Variants in ATR observed in about 807,000 individuals in gnomAD.
ATR encodes the protein ATR checkpoint kinase.
Under a neutral mutation model 305.3 loss-of-function variants are expected in ATR, and 142 were observed. That is an observed-to-expected ratio of 0.47 (90% CI 0.41 to 0.53). The LOEUF (loss-of-function observed/expected upper bound fraction) is 0.53, where lower values mean the gene tolerates loss of function less well. Among genes scored for constraint, ATR ranks in the 20% least tolerant of loss-of-function variants. The pLI is 0.00. For synonymous variants in ATR, 1,050 were observed against 1,068.1 expected (o/e 0.98, Z 0.33); for missense variants, 2,135 against 3,133.1 (o/e 0.68, Z 7.60).
intron 15 of ATR, 74 bp from the exon 16 acceptor site, chr3:142,547,984 C>T (rs2108452315): frequency 7.6e-7 from 1 of 1,317,038 alleles, no homozygotes; most frequent in Non-Finnish European, 1.1e-6. Flanking sequence ...CTGATTTTAA[C>T]ATGCTATTAG....
chr3:142,505,100 G>A (rs879093925), intron 29 of ATR, 39 bp downstream of exon 29: 1 of 1,608,224 alleles, frequency 6.2e-7, no homozygotes, highest in Non-Finnish European at 8.5e-7. Flanking sequence ...CCTATTCAGG[G>A]CTATTTTCAT....
chr3:142,534,406 G>A (rs998775057), intron 21 of ATR, among the ~76,000 whole-genome samples: 3 of 152,092 alleles, frequency 2.0e-5, no homozygotes, highest in Non-Finnish European at 4.4e-5. Flanking sequence ...CTAAGTAAGT[G>A]CTTGCTTCTA....
intron 36 of ATR, among the ~76,000 whole-genome samples, chr3:142,472,628 CT>C (rs2071315169): frequency 1.3e-5 from 2 of 151,664 alleles, no homozygotes; most frequent in East Asian, 1.9e-4. Context: ...AATTTGTTTC[CT>C]TTTTTCTATT....
In ATR at chr3:142,566,175, G is replaced by T. The variant is rs763821441; in HGVS notation, c.238C>A (p.Pro80Thr). The T allele has an allele frequency of 6.2e-7, 1 of 1,614,152 alleles. No individual in the cohort carries two copies. The highest frequency in any genetic ancestry group is 8.5e-7 in the Non-Finnish European group (1 of 1,180,018). ...DFIQHIMKSS[P>T]LMFVNVSGSH... ...CCACTCACATTTACAAACATAAGTGGGGAGGATTTCATGATATGCTGGATG... is the reference window on the plus strand; with the variant it reads ...CCACTCACATTTACAAACATAAGTGTGGAGGATTTCATGATATGCTGGATG... Residue 80 changes from proline (P) to threonine (T), a missense_variant, in exon 3 of 47, where the codon CCA (proline) becomes ACA (threonine). Coordinates refer to ENST00000350721, the MANE Select transcript of ATR (RefSeq NM_001184.4).
rs2108480282 is a variant in ATR, at chr3:142,559,392, C to T, written c.1591G>A (p.Val531Met). The change falls in exon 7 of 47, where the codon GTG (valine) becomes ATG (methionine). Residue 531 changes from valine (V) to methionine (M), a missense_variant. Physicochemically the swap from Val to Met is conservative, Grantham distance 21. Transcript: ENST00000350721. ...AAATCCAATGACATCCAAGTTATCA[C>T]TACAGAAGGTTTCTTCTTGGATTTA... is the stretch of plus-strand genomic sequence containing the variant. ...QHKSKKKPSV[V>M]ITWMSLDFYT... is the part of the protein sequence containing the mutation. 3 of 1,613,950 alleles carry T rather than the reference C, an allele frequency of 1.9e-6. No homozygotes were observed. Among genetic ancestry groups the T allele is most frequent in the Non-Finnish European group, 2.5e-6 (3 of 1,179,920 alleles).
At chr3:142,476,650 TGGG>T (rs1309814738) in intron 36 of ATR, among the ~76,000 whole-genome samples, 1 of 152,128 alleles carries the variant, frequency 6.6e-6, no homozygotes, top group African/African-American at 2.4e-5. Flanking sequence ...GGTAGCTTGA[TGGG>T]GATGGCATTG....
At chr3:142,475,885 C>T (rs574129416) in intron 36 of ATR, among the ~76,000 whole-genome samples, 13 of 152,324 alleles carry the variant, frequency 8.5e-5, no homozygotes, top group African/African-American at 2.9e-4. Context: ...CTGTTGGCTG[C>T]ATAAATGTCT....
Position 142,449,251 on chromosome 3 carries a change from T to C in ATR, c.*178A>G, listed in dbSNP as rs2070716321. On this transcript the variant is annotated 3_prime_UTR_variant, in exon 47 of 47. Transcript: ENST00000350721. The stretch of plus-strand genomic sequence containing the variant: ...TGCACAGTATGTATTAAGAAAGCAG[T>C]TTATTTCTTAATAACTGAATGTATA... 1.6e-6 allele frequency: 1 copy of C among 609,126 alleles called. No individual in the cohort carries two copies. Among genetic ancestry groups the C allele is most frequent in the African/African-American group, 1.8e-5 (1 of 54,182 alleles). The allele number at this position is 609,126 out of a possible 1,614,324, so 37.7% of individuals were successfully genotyped here.
At position 142,476,744 on chromosome 3, in the gene ATR, T is replaced by C. The variant is rs1186951909; in HGVS notation, c.6222-6561A>G. Among the ~76,000 whole-genome samples the C allele has an allele frequency of 1.4e-4, 21 of 152,360 alleles. No homozygotes were observed. In the East Asian group the frequency reaches 4.0e-3, roughly 29 times the overall value. Reference sequence around the variant, plus strand: ...TCCATGAGCATGGAATGTTCTTCCATTTGTTTGTGTCCTCTTTTATTTCCT... The same window carrying C: ...TCCATGAGCATGGAATGTTCTTCCACTTGTTTGTGTCCTCTTTTATTTCCT... On this transcript the variant is annotated intron_variant, in intron 36 of 46. Coordinates refer to ENST00000350721, the MANE Select transcript of ATR (RefSeq NM_001184.4).
intron 37 of ATR, 49 bp from the exon 38 acceptor site, chr3:142,469,618 A>G (rs2108280004): frequency 6.7e-7 from 1 of 1,488,496 alleles, no homozygotes; most frequent in East Asian, 2.3e-5. Context: ...GAGAAAAATC[A>G]GTATATCAGT....
intron 1 of ATR, among the ~76,000 whole-genome samples, chr3:142,575,402 T>G (rs965607768): frequency 6.7e-6 from 1 of 150,336 alleles, no homozygotes; most frequent in African/African-American, 2.5e-5. Context: ...GAAAATCGCT[T>G]GAACCCGGGA....
At chr3:142,565,672 G>A (rs1180613488) in intron 3 of ATR, among the ~76,000 whole-genome samples, 5 of 144,778 alleles carry the variant, frequency 3.5e-5, no homozygotes, top group African/African-American at 1.3e-4. Context: ...GAGGCAGGAG[G>A]ATCCCTTGAG....
intron 46 of ATR, chr3:142,451,509 AG>A (rs773479270): frequency 3.8e-5 from 55 of 1,428,792 alleles, no homozygotes; most frequent in Non-Finnish European, 5.0e-5. Context: ...CTGGACCCAT[AG>A]AAACAGAAAG....
intron 21 of ATR, among the ~76,000 whole-genome samples, chr3:142,526,593 T>G (rs1427733084): frequency 2.0e-5 from 3 of 151,986 alleles, no homozygotes; most frequent in Non-Finnish European, 2.9e-5. Context: ...TTCATCAATT[T>G]CTGTTTTCTT....
chr3:142,531,690 A>C (rs2033653278), intron 21 of ATR, among the ~76,000 whole-genome samples: 1 of 152,146 alleles, frequency 6.6e-6, no homozygotes, highest in African/African-American at 2.4e-5. Context: ...AGTCTTTGCT[A>C]TTGTGAATAG....
chr3:142,576,545 T>C (rs2035445903), intron 1 of ATR, among the ~76,000 whole-genome samples: 1 of 152,200 alleles, frequency 6.6e-6, no homozygotes, highest in South Asian at 2.1e-4. Context: ...TATGGTGCCA[T>C]GTACTGAGAT....
chr3:142,526,974 A>C (rs1292318950), intron 21 of ATR, among the ~76,000 whole-genome samples: 1 of 151,988 alleles, frequency 6.6e-6, no homozygotes, highest in Non-Finnish European at 1.5e-5. Context: ...TTTTTTGTAG[A>C]GATGGGGTCT....
chr3:142,484,900 A>G (rs1431447018), intron 36 of ATR, among the ~76,000 whole-genome samples: 2 of 152,196 alleles, frequency 1.3e-5, no homozygotes, highest in Non-Finnish European at 2.9e-5. Flanking sequence ...GAGCAGAGGA[A>G]TAACATAGTT....
chr3:142,450,652 G>C (rs1418668694), intron 46 of ATR: 1 of 1,605,550 alleles, frequency 6.2e-7, no homozygotes. Context: ...GAATAAATTA[G>C]ATGGTCAGTA....
Sources: allele counts gnomAD v4.1 joint callset (sites outside exome capture counted in the v4.1 genomes callset), GRCh38; gene constraint gnomAD v4.1.1; transcripts MANE v1.5; gene names NCBI Gene and HGNC (gene_info 2026-07-23, HGNC 2026-07-21).